The following DTD1 variants were observed in gnomAD, a reference collection of about 807,000 sequenced individuals.
The protein encoded by DTD1 is D-aminoacyl-tRNA deacylase 1.
In DTD1, 13 loss-of-function variants were observed where a neutral mutation model predicts 25.6. The ratio of observed to expected loss-of-function variants is 0.51; its 90% CI spans 0.33 to 0.81. DTD1 has a LOEUF of 0.81. Among genes scored for constraint, DTD1 ranks in the 30% least tolerant of loss-of-function variants. DTD1 has a pLI of 0.02. For synonymous variants in DTD1, 110 were observed against 103.6 expected (o/e 1.06, Z -0.37); for missense variants, 193 against 266.4 (o/e 0.72, Z 1.92).
At chr20:18,689,168 T>C (rs1385345879) in intron 4 of DTD1, among the ~76,000 whole-genome samples, 1 of 152,186 alleles carries the variant, frequency 6.6e-6, no homozygotes, top group Non-Finnish European at 1.5e-5. Context: ...TTTAGGCTTG[T>C]ATTTGGGAAG....
chr20:18,649,950 C>T (rs566269086), intron 4 of DTD1, among the ~76,000 whole-genome samples: 10 of 152,306 alleles, frequency 6.6e-5, no homozygotes, highest in South Asian at 4.1e-4. Context: ...CAGTGGCTCA[C>T]GCCTGTAATT....
chr20:18,632,598 T>C (rs6081263), intron 4 of DTD1: 358,740 of 984,534 alleles, frequency 0.36, 66,621 homozygotes, highest in Middle Eastern at 0.39. Flanking sequence ...AAGCTTTTAA[T>C]TCTCAGTGTT....
chr20:18,601,822 GA>G (rs1193388859), intron 3 of DTD1, among the ~76,000 whole-genome samples: 8 of 151,910 alleles, frequency 5.3e-5, no homozygotes, highest in African/African-American at 1.9e-4. Context: ...CAAAGATGGG[GA>G]AAAAACAGAA....
chr20:18,665,837 T>C (rs1251884657), intron 4 of DTD1, among the ~76,000 whole-genome samples: 2 of 152,204 alleles, frequency 1.3e-5, no homozygotes, highest in African/African-American at 4.8e-5. Context: ...AGTTTTTATT[T>C]TGAAATATTT....
intron 3 of DTD1, among the ~76,000 whole-genome samples, chr20:18,626,390 C>T (rs967237351): frequency 3.9e-5 from 6 of 152,190 alleles, no homozygotes; most frequent in African/African-American, 1.2e-4. Context: ...AAAAGTTCTG[C>T]TGGAGATGAG....
At chr20:18,708,805 A>G (rs1048377711) in intron 4 of DTD1, among the ~76,000 whole-genome samples, 3 of 152,150 alleles carry the variant, frequency 2.0e-5, no homozygotes, top group African/African-American at 7.2e-5. Context: ...GCTGTTGTCA[A>G]CATAAGGAGA....
chr20:18,641,625 T>A (rs1856296589), intron 4 of DTD1, among the ~76,000 whole-genome samples: 1 of 152,240 alleles, frequency 6.6e-6, no homozygotes, highest in South Asian at 2.1e-4. Context: ...TTAGTGATGT[T>A]GAGCATCTTT....
intron 4 of DTD1, chr20:18,631,706 TTC>T (rs2060788197): frequency 1.0e-6 from 1 of 985,446 alleles, no homozygotes; most frequent in African/African-American, 1.7e-5. Context: ...CAGGACGTCA[TTC>T]TCTCTGGGTT....
At chr20:18,684,550 G>A (rs2122419105) in intron 4 of DTD1, among the ~76,000 whole-genome samples, 1 of 152,240 alleles carries the variant, frequency 6.6e-6, no homozygotes, top group South Asian at 2.1e-4. Flanking sequence ...GCCTCCCAAA[G>A]TGCTGGGATT....
At chr20:18,592,100 A>G (rs1271262300) in intron 1 of DTD1, among the ~76,000 whole-genome samples, 2 of 152,160 alleles carry the variant, frequency 1.3e-5, no homozygotes. Context: ...TTTCTTTAGC[A>G]GTGTATTGTA....
intron 4 of DTD1, among the ~76,000 whole-genome samples, chr20:18,711,791 A>G (rs937452315): frequency 2.6e-5 from 4 of 152,170 alleles, no homozygotes; most frequent in Admixed American, 2.0e-4. Flanking sequence ...CATGCCTGTA[A>G]TCCCAACACT....
chr20:18,731,514 C>T (rs1204109379), intron 4 of DTD1, among the ~76,000 whole-genome samples: 2 of 152,190 alleles, frequency 1.3e-5, no homozygotes, highest in African/African-American at 4.8e-5. Flanking sequence ...TGTTCTCCGC[C>T]CTCAATCCTT....
intron 4 of DTD1, among the ~76,000 whole-genome samples, chr20:18,629,559 T>C (rs990572573): frequency 3.3e-5 from 5 of 152,054 alleles, no homozygotes; most frequent in African/African-American, 1.2e-4. Flanking sequence ...GGCCTCAGCC[T>C]CCCAAAGTGC....
chr20:18,626,835 C>G (rs957263972), intron 3 of DTD1, among the ~76,000 whole-genome samples: 3 of 152,206 alleles, frequency 2.0e-5, no homozygotes, highest in African/African-American at 7.2e-5. Context: ...ACTGTATATC[C>G]TGGCAACAGA....
At chr20:18,697,237 AC>A (rs199663225) in intron 4 of DTD1, among the ~76,000 whole-genome samples, 3,316 of 149,488 alleles carry the variant, frequency 0.022, 45 homozygotes, top group Middle Eastern at 0.041. Context: ...GTCTCAAAAA[AC>A]AAAAAAAATT....
intron 1 of DTD1, among the ~76,000 whole-genome samples, chr20:18,588,342 C>G (rs952779768): frequency 2.6e-5 from 4 of 152,116 alleles, no homozygotes; most frequent in Non-Finnish European, 4.4e-5. Context: ...CCCGGCGCGC[C>G]CCTGGCTTCC....
chr20:18,588,594 C>G (rs2060575891), intron 1 of DTD1: 1 of 320,594 alleles, frequency 3.1e-6, no homozygotes, highest in Non-Finnish European at 4.5e-6. Flanking sequence ...ATGAAATGCA[C>G]AGATGCGGAG....
intron 4 of DTD1, among the ~76,000 whole-genome samples, chr20:18,651,431 G>A (rs112215364): frequency 1.2e-3 from 184 of 152,352 alleles, no homozygotes; most frequent in East Asian, 6.0e-3. Flanking sequence ...GATTATAGGC[G>A]TGAGCCACCG....
chr20:18,714,295 GTGTT>G (rs1354066335), intron 4 of DTD1, among the ~76,000 whole-genome samples: 5 of 152,140 alleles, frequency 3.3e-5, no homozygotes, highest in East Asian at 1.9e-4. Flanking sequence ...AACCACTTGT[GTGTT>G]TGTTTATTTC....
Sources: gnomAD v4.1 joint callset for allele counts (sites outside exome capture counted in the v4.1 genomes callset) on GRCh38, gnomAD v4.1.1 for gene constraint, MANE v1.5 for transcripts, NCBI Gene and HGNC (gene_info 2026-07-23, HGNC 2026-07-21) for gene names.